The following EGF variants were observed in gnomAD, a reference collection of about 807,000 sequenced individuals.
EGF encodes pro-epidermal growth factor.
EGF carries 95 observed loss-of-function variants against 143.8 expected under a neutral mutation model. The ratio of observed to expected loss-of-function variants is 0.66; its 90% CI spans 0.56 to 0.78. The LOEUF (loss-of-function observed/expected upper bound fraction) is 0.78, where lower values mean the gene tolerates loss of function less well. Ranked by LOEUF, EGF falls within the 30% of genes least tolerant of loss-of-function variation. The pLI is 0.00. For synonymous variants in EGF, 510 were observed against 510.5 expected (o/e 1.00, Z 0.01); for missense variants, 1,320 against 1,470.9 (o/e 0.90, Z 1.68).
chr4:109,961,943 C>G lies in EGF; in HGVS notation c.1270C>G (p.Pro424Ala). ...ATCAGAAGGTCCCTTATGTTTCTGT[C>G]CTGAAGGCTCAGTGCTTGAGAGAGA... ...LTSEGPLCFC[P>A]EGSVLERDGK... is the part of the protein sequence containing the mutation. The change falls in exon 8 of 24, where the codon CCT (proline) becomes GCT (alanine). Residue 424 changes from proline (P) to alanine (A), a missense_variant. This residue lies in a region of EGF where 1,186 missense variants were observed against 1,313.7 expected (regional missense o/e 0.90). Transcript: ENST00000265171. 1 of 1,613,900 alleles carries G rather than the reference C, an allele frequency of 6.2e-7. No individual in the cohort carries two copies.
rs373971672 is a variant in EGF at position 109,999,851 on chromosome 4, C to T, written c.3173+5C>T. The T allele has an allele frequency of 1.2e-6, 2 of 1,613,002 alleles. No homozygotes were observed. Among genetic ancestry groups the T allele is most frequent in the Non-Finnish European group, 8.5e-7 (1 of 1,180,018 alleles). Reference sequence around the variant, plus strand: ...GTGGGGGGCCCACTACTACAGGTGACCCTGTCTTTCCTTTGGTACTGGAAA... The same window carrying T: ...GTGGGGGGCCCACTACTACAGGTGATCCTGTCTTTCCTTTGGTACTGGAAA... On this transcript the variant is annotated splice_donor_5th_base_variant and intron_variant, in intron 21 of 23. Coordinates refer to ENST00000265171, the MANE Select transcript of EGF (RefSeq NM_001963.6).
intron 1 of EGF, among the ~76,000 whole-genome samples, chr4:109,937,434 T>C (rs956678657): frequency 6.6e-6 from 1 of 152,048 alleles, no homozygotes; most frequent in African/African-American, 2.4e-5. Flanking sequence ...ATGTGAGTCT[T>C]TGCACATGAG....
Position 110,008,050 on chromosome 4 carries a change from A to G in EGF, c.3292-102A>G, listed in dbSNP as rs1207734282. 9.1e-6 allele frequency: 10 copies of G among 1,093,780 alleles called. 1 individual carries two copies. The South Asian group carries it at 1.0e-4, about 11-fold the overall frequency. The allele number at this position is 1,093,780 out of a possible 1,614,324, so 67.8% of individuals were successfully genotyped here. On this transcript the variant is annotated intron_variant, in intron 22 of 23. Transcript: ENST00000265171. ...GCCTTTCTTCTGACTTTCACTTTCC[A>G]TAGGATGAACATCGTAAAGCCATAG... is the stretch of plus-strand genomic sequence containing the variant.
At chr4:109,999,888 G>C in intron 21 of EGF, 42 bp downstream of exon 21, 1 of 1,611,586 alleles carries the variant, frequency 6.2e-7, no homozygotes, top group South Asian at 1.1e-5. Context: ...CTCTTTCTAA[G>C]ACCTCCCAGG....
At chr4:109,913,599 A>T in intron 1 of EGF, 137 bp downstream of exon 1, 1 of 1,265,958 alleles carries the variant, frequency 7.9e-7, no homozygotes, top group South Asian at 1.3e-5. Context: ...TTGTTTTCTG[A>T]TGCATGTTTA....
intron 5 of EGF, among the ~76,000 whole-genome samples, chr4:109,945,668 CT>C (rs1229284426): frequency 6.6e-6 from 1 of 152,128 alleles, no homozygotes; most frequent in Non-Finnish European, 1.5e-5. Context: ...ATGAATAGCT[CT>C]CAAAGAGGTG....
chr4:109,979,857 A>G, intron 13 of EGF, 115 bp from the exon 14 acceptor site: 1 of 1,262,076 alleles, frequency 7.9e-7, no homozygotes, highest in Non-Finnish European at 1.1e-6. Context: ...CTTGCTGAGT[A>G]GCTAAAGAGC....
intron 1 of EGF, among the ~76,000 whole-genome samples, chr4:109,926,656 CG>C (rs1172711880): frequency 2.6e-5 from 4 of 152,230 alleles, no homozygotes; most frequent in African/African-American, 9.6e-5. Flanking sequence ...TGCACTCGGC[CG>C]TGACACCGTC....
intron 1 of EGF, among the ~76,000 whole-genome samples, chr4:109,936,345 T>C (rs1304346709): frequency 6.6e-6 from 1 of 152,204 alleles, no homozygotes; most frequent in Admixed American, 6.5e-5. Flanking sequence ...GAGGTGTTTA[T>C]AGTATTCTCT....
rs1309070838 is a variant in EGF, at chr4:109,983,520, G to A, written c.2470G>A (p.Val824Met). Residue 824 changes from valine to methionine, a missense_variant, in exon 16 of 24, where the codon GTG becomes ATG. This residue lies in a region of EGF where 1,186 missense variants were observed against 1,313.7 expected (regional missense o/e 0.90). Transcript: ENST00000265171. ...CATTACAGAATCTCAACACATGCTA[G>A]TGGCTGAAATCATGGTGTCAGGTAT... is the stretch of plus-strand genomic sequence containing the variant. ...DNITESQHMLVAEIMVSDQDD... is the reference protein window; with the variant it reads ...DNITESQHMLMAEIMVSDQDD... 2 of 1,613,766 alleles carry A rather than the reference G, an allele frequency of 1.2e-6. No homozygotes were observed. Among genetic ancestry groups the A allele is most frequent in the South Asian group, 2.2e-5 (2 of 91,078 alleles).
At chr4:109,984,175 C>T (rs1749788604) in intron 16 of EGF, among the ~76,000 whole-genome samples, 1 of 151,684 alleles carries the variant, frequency 6.6e-6, no homozygotes, top group Non-Finnish European at 1.5e-5. Flanking sequence ...GCCCTTCAAG[C>T]AGTGCAATTT....
intron 13 of EGF, chr4:109,977,370 A>T (rs773563099): frequency 6.6e-6 from 1 of 152,196 alleles, no homozygotes; most frequent in Non-Finnish European, 1.5e-5. Flanking sequence ...AAAATTAAAG[A>T]TATACTTCAC....
intron 1 of EGF, among the ~76,000 whole-genome samples, chr4:109,923,721 G>A (rs978047273): frequency 1.3e-5 from 2 of 151,522 alleles, no homozygotes; most frequent in African/African-American, 4.9e-5. Context: ...CCTGAGCTCA[G>A]GTGATGCTTC....
intron 12 of EGF, 146 bp from the exon 13 acceptor site, chr4:109,975,866 C>A: frequency 1.1e-6 from 1 of 878,140 alleles, no homozygotes; most frequent in Admixed American, 2.1e-5. Context: ...ATTTGCCGAA[C>A]ATACAGCGCT....
intron 11 of EGF, among the ~76,000 whole-genome samples, chr4:109,972,985 T>C (rs1423736648): frequency 1.3e-5 from 2 of 152,220 alleles, no homozygotes; most frequent in Non-Finnish European, 2.9e-5. Context: ...GTGAGAGGCC[T>C]TTAACAGATG....
chr4:109,981,498 C>T (rs1749350346), intron 15 of EGF, among the ~76,000 whole-genome samples: 1 of 152,130 alleles, frequency 6.6e-6, no homozygotes, highest in Non-Finnish European at 1.5e-5. Context: ...GAAGAGTAAA[C>T]CAAGTGTGAG....
At chr4:109,947,011 C>G (rs1309713681) in intron 5 of EGF, among the ~76,000 whole-genome samples, 1 of 151,950 alleles carries the variant, frequency 6.6e-6, no homozygotes, top group Non-Finnish European at 1.5e-5. Flanking sequence ...CCCAGCTATT[C>G]GGGAGGCTGA....
rs1200825966 is a variant in EGF, at chr4:109,945,250, G to A, written c.915G>A (p.Lys305=). The change falls in exon 5 of 24, where the codon AAG becomes AAA. Residue 305 remains lysine (K), a synonymous_variant. Transcript: ENST00000265171. ...TAGTGCATCCACTTGCACAACCCAAGGCAGAAGATGACACTTGGGAGCCTG... is the reference window on the plus strand; with the variant it reads ...TAGTGCATCCACTTGCACAACCCAAAGCAGAAGATGACACTTGGGAGCCTG... The part of the protein sequence containing the change: ...LKVVHPLAQP[K]AEDDTWEPEQ... The A allele has an allele frequency of 6.2e-7, 1 of 1,614,026 alleles. No individual in the cohort carries two copies. The highest frequency in any genetic ancestry group is 1.7e-5 in the Admixed American group (1 of 60,018).
intron 20 of EGF, 46 bp from the exon 21 acceptor site, chr4:109,999,633 T>C (rs1447924486): frequency 6.2e-7 from 1 of 1,613,424 alleles, no homozygotes; most frequent in Non-Finnish European, 8.5e-7. Context: ...CTATCAGCGT[T>C]TTTGGCCAGG....
Sources: allele counts gnomAD v4.1 joint callset (sites outside exome capture counted in the v4.1 genomes callset), GRCh38; gene constraint gnomAD v4.1.1; regional missense constraint gnomAD v4.1.1; transcripts MANE v1.5; gene names NCBI Gene and HGNC (gene_info 2026-07-23, HGNC 2026-07-21).